SDK1: variants seen among roughly 807,000 people sequenced by gnomAD.
SDK1 encodes sidekick cell adhesion molecule 1, also known as protein sidekick-1.
A neutral mutation model predicts 245.5 loss-of-function variants in SDK1; 157 were observed. That is an observed-to-expected ratio of 0.64 (90% CI 0.56 to 0.73). The LOEUF (loss-of-function observed/expected upper bound fraction) is 0.73. Among genes scored for constraint, SDK1 ranks in the 30% least tolerant of loss-of-function variants. SDK1 has a pLI of 0.00. For missense variants in SDK1, 3,583 were observed against 3,002.3 expected (o/e 1.19, Z -4.52); for synonymous variants, 1,647 against 1,278.5 (o/e 1.29, Z -6.15).
intron 5 of SDK1, among the ~76,000 whole-genome samples, chr7:3,874,910 C>T (rs1182829511): frequency 6.6e-6 from 1 of 152,136 alleles, no homozygotes; most frequent in Admixed American, 6.5e-5. Flanking sequence ...CCCCCACATC[C>T]AGCACCAAGT....
Position 4,178,378 on chromosome 7 carries a change from T to C in SDK1, c.4997-107T>C, listed in dbSNP as rs537891657. The C allele has an allele frequency of 6.1e-5, 49 of 805,478 alleles. No individual in the cohort carries two copies. In the African/African-American group the frequency reaches 6.3e-4, roughly 10 times the overall value. The allele number at this position is 805,478 out of a possible 1,614,324, so 49.9% of individuals were successfully genotyped here. On this transcript the variant is annotated intron_variant, in intron 34 of 44. Transcript: ENST00000404826. ...ACAGATTTCTAACAATCCCGCCTCC[T>C]CTCCTTGGAGGGTGCTCCTTGCTTC...
chr7:3,468,822 G>A (rs2128597684), intron 1 of SDK1, among the ~76,000 whole-genome samples: 1 of 152,232 alleles, frequency 6.6e-6, no homozygotes, highest in East Asian at 1.9e-4. Flanking sequence ...TCATTATGAA[G>A]GCCTCTGTGT....
At chr7:3,456,177 A>G (rs1034514947) in intron 1 of SDK1, among the ~76,000 whole-genome samples, 5 of 151,852 alleles carry the variant, frequency 3.3e-5, no homozygotes, top group African/African-American at 1.2e-4. Context: ...GTTTTTATTA[A>G]TTTGTCTTGC....
intron 30 of SDK1, among the ~76,000 whole-genome samples, chr7:4,152,383 C>T (rs1315010239): frequency 6.6e-6 from 1 of 152,202 alleles, no homozygotes; most frequent in Non-Finnish European, 1.5e-5. Flanking sequence ...CAGGTGCGCC[C>T]AGCCTGACTT....
intron 4 of SDK1, among the ~76,000 whole-genome samples, chr7:3,793,765 T>C (rs1281125968): frequency 6.6e-6 from 1 of 151,670 alleles, no homozygotes; most frequent in African/African-American, 2.4e-5. Flanking sequence ...TGGCAGTGAG[T>C]GTGGTTATTC....
At chr7:3,759,584 C>T (rs1562422562) in intron 4 of SDK1, among the ~76,000 whole-genome samples, 1 of 145,864 alleles carries the variant, frequency 6.9e-6, no homozygotes, top group African/African-American at 2.5e-5. Flanking sequence ...AAATTTTTTT[C>T]ATTATTATTA....
intron 4 of SDK1, among the ~76,000 whole-genome samples, chr7:3,714,569 C>T (rs1302931750): frequency 6.6e-6 from 1 of 152,144 alleles, no homozygotes; most frequent in Non-Finnish European, 1.5e-5. Context: ...GTGATATTAG[C>T]ATTACTACAT....
At chr7:3,959,110 T>C (rs1481828131) in intron 8 of SDK1, 96 bp downstream of exon 8, 9 of 941,456 alleles carry the variant, frequency 9.6e-6, no homozygotes, top group African/African-American at 6.5e-5. Context: ...TAGGGAGACA[T>C]TGAGTGTGAT....
chr7:4,200,782 C>G (rs897297563), intron 35 of SDK1, among the ~76,000 whole-genome samples: 17 of 152,214 alleles, frequency 1.1e-4, no homozygotes, highest in Admixed American at 9.8e-4. Context: ...ATGTATTCAG[C>G]CCACATTCAA....
At chr7:3,937,804 G>T (rs989723702) in intron 5 of SDK1, among the ~76,000 whole-genome samples, 2 of 152,184 alleles carry the variant, frequency 1.3e-5, no homozygotes, top group Non-Finnish European at 2.9e-5. Context: ...CTCCACGCCC[G>T]GGCTTGCATG....
chr7:3,483,808 G>A (rs1036174875), intron 1 of SDK1, among the ~76,000 whole-genome samples: 4 of 152,070 alleles, frequency 2.6e-5, no homozygotes, highest in Non-Finnish European at 5.9e-5. Context: ...CATGACTATA[G>A]TAAATTCATT....
At chr7:3,597,484 G>C (rs1191959584) in intron 1 of SDK1, among the ~76,000 whole-genome samples, 1 of 152,122 alleles carries the variant, frequency 6.6e-6, no homozygotes, top group Admixed American at 6.6e-5. Flanking sequence ...CAGAACACCG[G>C]CGGCGGGGAG....
chr7:3,860,967 G>A (rs1057191522), intron 5 of SDK1, among the ~76,000 whole-genome samples: 4 of 152,096 alleles, frequency 2.6e-5, no homozygotes, highest in Non-Finnish European at 5.9e-5. Flanking sequence ...AAGGTTACCG[G>A]GGTCTCAGTC....
At chr7:3,425,028 A>G (rs557509620) in intron 1 of SDK1, among the ~76,000 whole-genome samples, 2 of 152,282 alleles carry the variant, frequency 1.3e-5, no homozygotes, top group Admixed American at 1.3e-4. Flanking sequence ...TTATTAATCA[A>G]TATCGTTACC....
chr7:3,672,796 A>ATAT lies in SDK1; in HGVS notation c.713+30691_713+30692insTAT, dbSNP rs1554307151. On this transcript the variant is annotated intron_variant, in intron 4 of 44. Coordinates refer to ENST00000404826, the MANE Select transcript of SDK1 (RefSeq NM_152744.4). ...ATATATATATATATATATATATATA[A>ATAT]AAAATACAGAAAGCTCTAAGTATGC... 6.1e-3 allele frequency among the ~76,000 whole-genome samples: 325 copies of ATAT among 53,310 alleles called. 3 individuals are homozygous for ATAT. The highest frequency in any genetic ancestry group is 0.02 in the Middle Eastern group (2 of 100). The allele number at this position is 53,310 out of a possible 152,430, so 35.0% of individuals were successfully genotyped here.
At chr7:3,876,329 G>T (rs901470994) in intron 5 of SDK1, among the ~76,000 whole-genome samples, 2 of 152,172 alleles carry the variant, frequency 1.3e-5, no homozygotes, top group African/African-American at 4.8e-5. Flanking sequence ...GCTAAAGTTT[G>T]CAAAACAAGT....
intron 1 of SDK1, among the ~76,000 whole-genome samples, chr7:3,578,551 C>G (rs1780377350): frequency 6.6e-6 from 1 of 151,880 alleles, no homozygotes; most frequent in Non-Finnish European, 1.5e-5. Flanking sequence ...CTGCAGGAGA[C>G]CAGGGTGTAT....
At chr7:3,513,447 C>G (rs1391337142) in intron 1 of SDK1, among the ~76,000 whole-genome samples, 1 of 152,060 alleles carries the variant, frequency 6.6e-6, no homozygotes, top group Non-Finnish European at 1.5e-5. Context: ...TATTTATCAA[C>G]TTTTTGGATG....
chr7:3,808,338 T>C (rs146771703), intron 4 of SDK1, among the ~76,000 whole-genome samples: 1 of 152,210 alleles, frequency 6.6e-6, no homozygotes, highest in East Asian at 1.9e-4. Context: ...GGAGGGTCGG[T>C]CCCTAGGGAG....
Sources: allele counts gnomAD v4.1 joint callset (sites outside exome capture counted in the v4.1 genomes callset), GRCh38; gene constraint gnomAD v4.1.1; transcripts MANE v1.5; gene names NCBI Gene and HGNC (gene_info 2026-07-23, HGNC 2026-07-21).